Variants in SVEP1 observed in about 807,000 individuals in gnomAD.
SVEP1 encodes sushi, von Willebrand factor type A, EGF and pentraxin domain-containing protein 1.
Under a neutral mutation model 367.3 loss-of-function variants are expected in SVEP1, and 164 were observed. The ratio of observed to expected loss-of-function variants is 0.45; its 90% CI spans 0.39 to 0.51. The LOEUF is 0.51. Ranked by LOEUF, SVEP1 falls within the 20% of genes least tolerant of loss-of-function variation. SVEP1 has a pLI of 0.00. For missense variants in SVEP1, 4,117 were observed against 4,425.3 expected (o/e 0.93, Z 1.98); for synonymous variants, 1,666 against 1,611.6 (o/e 1.03, Z -0.81).
chr9:110,366,397 A>T lies in SVEP1; in HGVS notation c.*142T>A. The T allele has an allele frequency of 1.4e-6, 1 of 735,618 alleles. No homozygotes were observed. The highest frequency in any genetic ancestry group is 1.8e-5 in the African/African-American group (1 of 55,826). The allele number at this position is 735,618 out of a possible 1,614,324, so 45.6% of individuals were successfully genotyped here. ...GGAATAACAAAATATATCACAAAAT[A>T]AAAAAAGTAACCCCAAGTAACAAGT... On this transcript the variant is annotated 3_prime_UTR_variant, in exon 48 of 48. Coordinates refer to ENST00000374469, the MANE Select transcript of SVEP1 (RefSeq NM_153366.4).
chr9:110,563,936 TG>T (rs1830459688), intron 1 of SVEP1, among the ~76,000 whole-genome samples: 1 of 152,178 alleles, frequency 6.6e-6, no homozygotes, highest in African/African-American at 2.4e-5. Flanking sequence ...GGGTTCTTTG[TG>T]CCCTAATTCA....
At position 110,404,512 on chromosome 9, in the gene SVEP1, A is replaced by G; in HGVS notation, c.9481T>C (p.Phe3161Leu). The G allele has an allele frequency of 6.2e-7, 1 of 1,613,860 alleles. No individual in the cohort carries two copies. The highest frequency in any genetic ancestry group is 2.2e-5 in the East Asian group (1 of 44,874). The stretch of plus-strand genomic sequence containing the variant: ...CAGCGACCATCTTTCTGACAGGTGA[A>G]TGTATCTGTATCTGTATCCATCGTA... ...GYTMDTDTDT[F>L]TCQKDGRWFP... Residue 3161 changes from phenylalanine to leucine, a missense_variant, in exon 39 of 48, where the codon TTC becomes CTC. Coordinates refer to ENST00000374469, the MANE Select transcript of SVEP1 (RefSeq NM_153366.4).
Position 110,546,298 on chromosome 9 carries a change from A to G in SVEP1, c.788-7T>C. 1 of 1,579,150 alleles carries G rather than the reference A, an allele frequency of 6.3e-7. No individual in the cohort carries two copies. The highest frequency in any genetic ancestry group is 8.6e-7 in the Non-Finnish European group (1 of 1,161,524). On this transcript the variant is annotated splice_region_variant and splice_polypyrimidine_tract_variant and intron_variant, in intron 2 of 47. Transcript: ENST00000374469. ...AAACTCCCAGAAGGTAGATCTACAA[A>G]TAACATATGACAGAGGGCGATAAAA...
intron 26 of SVEP1, among the ~76,000 whole-genome samples, chr9:110,444,612 A>C (rs2118592629): frequency 6.6e-6 from 1 of 152,340 alleles, no homozygotes; most frequent in Non-Finnish European, 1.5e-5. Context: ...GAAATGACAA[A>C]GCTAATAAGC....
intron 22 of SVEP1, 83 bp downstream of exon 22, chr9:110,455,507 G>T: frequency 2.0e-6 from 2 of 982,908 alleles, no homozygotes; most frequent in South Asian, 1.8e-5. Flanking sequence ...ATGTATCTTT[G>T]ACACATTCCA....
intron 9 of SVEP1, among the ~76,000 whole-genome samples, chr9:110,487,581 T>C (rs949257711): frequency 1.3e-5 from 2 of 152,238 alleles, no homozygotes; most frequent in Non-Finnish European, 2.9e-5. Flanking sequence ...GTTTAATATA[T>C]GTTAGTTATT....
Position 110,408,241 on chromosome 9 carries a change from C to T in SVEP1, c.7359G>A (p.Val2453=), listed in dbSNP as rs766412372. The part of the protein sequence containing the change: ...PEEIPNGIID[V]QGLAYLSTAL... ...CTGTGCTGAGATAGGCAAGGCCTTG[C>T]ACATCAATGATTCCATTGGGGATTT... Residue 2453 remains valine (V), a synonymous_variant, in exon 38 of 48, where the codon GTG becomes GTA. Transcript: ENST00000374469. 7 of 1,613,874 alleles carry T rather than the reference C, an allele frequency of 4.3e-6. No homozygotes were observed. In the Admixed American group the frequency reaches 6.7e-5, roughly 15 times the overall value.
chr9:110,479,520 T>A (rs1229945608), intron 13 of SVEP1, 115 bp downstream of exon 13: 2 of 1,265,780 alleles, frequency 1.6e-6, no homozygotes, highest in Non-Finnish European at 2.1e-6. Flanking sequence ...ATTAGGTACA[T>A]GTCTGGATCA....
At chr9:110,521,330 G>A (rs1392007610) in intron 3 of SVEP1, among the ~76,000 whole-genome samples, 1 of 152,130 alleles carries the variant, frequency 6.6e-6, no homozygotes, top group Non-Finnish European at 1.5e-5. Flanking sequence ...AGCTCATTTG[G>A]CCAGAGTACA....
chr9:110,441,775 C>T (rs1828513019), intron 27 of SVEP1, among the ~76,000 whole-genome samples: 1 of 152,196 alleles, frequency 6.6e-6, no homozygotes, highest in Admixed American at 6.5e-5. Context: ...TGGTTGGAAA[C>T]CTCTTTGTTG....
rs71373993 is a variant in SVEP1 at position 110,375,465 on chromosome 9, TAAAAAAAAAAAA to T, written c.10505-14_10505-3del. 40 of 557,894 alleles carry T rather than the reference TAAAAAAAAAAAA, an allele frequency of 7.2e-5. No individual in the cohort carries two copies. The highest frequency in any genetic ancestry group is 5.1e-4 in the African/African-American group (19 of 37,120). The allele number at this position is 557,894 out of a possible 1,614,324, so 34.6% of individuals were successfully genotyped here. ...TCAGACAGGGAAGAATGCAGATTGC[TAAAAAAAAAAAA>T]AAAAAAAAAAAAAGGAGGCAGGGGG... On this transcript the variant is annotated splice_region_variant and splice_polypyrimidine_tract_variant and intron_variant, in intron 45 of 47. Transcript: ENST00000374469.
intron 40 of SVEP1, among the ~76,000 whole-genome samples, chr9:110,390,144 C>CTTATAT (rs1588027161): frequency 3.1e-5 from 3 of 97,474 alleles, no homozygotes; most frequent in Non-Finnish European, 4.2e-5. Context: ...AGTATATATA[C>CTTATAT]AAGTATATAC....
chr9:110,579,212 G>T lies in SVEP1; in HGVS notation c.332C>A (p.Ser111Tyr). Reference sequence around the variant, plus strand: ...GGCCGTGGGCACCACGGGGAAGTCGGACAGCAGCTTGCGGACGAACATGAG... The same window carrying T: ...GGCCGTGGGCACCACGGGGAAGTCGTACAGCAGCTTGCGGACGAACATGAG... ...SELMFVRKLL[S>Y]DFPVVPTATR... Residue 111 changes from serine (S) to tyrosine (Y), a missense_variant, in exon 1 of 48, where the codon TCC (serine) becomes TAC (tyrosine). Coordinates refer to ENST00000374469, the MANE Select transcript of SVEP1 (RefSeq NM_153366.4). This position sits in a 1 kb window ranked among gnomAD's most constrained non-coding sequence, Gnocchi z 5.3. 1.0e-5 allele frequency: 16 copies of T among 1,571,316 alleles called. No individual in the cohort carries two copies. The highest frequency in any genetic ancestry group is 1.4e-5 in the Non-Finnish European group (16 of 1,158,970).
intron 26 of SVEP1, among the ~76,000 whole-genome samples, chr9:110,444,312 G>A (rs1013871375): frequency 3.3e-5 from 5 of 152,238 alleles, no homozygotes; most frequent in South Asian, 2.1e-4. Flanking sequence ...TTGCACCTTC[G>A]CCATGTGAAG....
chr9:110,430,527 A>T lies in SVEP1; in HGVS notation c.5354-77T>A, dbSNP rs1828335373. 3 of 1,436,570 alleles carry T rather than the reference A, an allele frequency of 2.1e-6. No individual in the cohort carries two copies. The Admixed American group carries it at 7.5e-5, about 36-fold the overall frequency. The allele number at this position is 1,436,570 out of a possible 1,614,324, so 89.0% of individuals were successfully genotyped here. ...CAAAGTCTCACAGCAAAAGAATTCC[A>T]CTATAGTTAAGAAACCTGTTAAAAT... On this transcript the variant is annotated intron_variant, in intron 32 of 47. Coordinates refer to ENST00000374469, the MANE Select transcript of SVEP1 (RefSeq NM_153366.4).
intron 9 of SVEP1, 124 bp from the exon 10 acceptor site, chr9:110,483,817 C>G (rs1829236095): frequency 1.8e-6 from 1 of 551,768 alleles, no homozygotes; most frequent in Non-Finnish European, 3.0e-6. Flanking sequence ...AGAAACAAGG[C>G]TGACTCTGTG....
chr9:110,423,184 G>GAAAAAAAAAAAAAAAA (rs1404736217), intron 36 of SVEP1, among the ~76,000 whole-genome samples: 3 of 91,028 alleles, frequency 3.3e-5, no homozygotes, highest in Non-Finnish European at 4.5e-5. Context: ...AAAAAAAAAA[G>GAAAAAAAAAAAAAAAA]AAAAAAAAAA....
chr9:110,578,505 T>C (rs192931924), intron 1 of SVEP1, among the ~76,000 whole-genome samples: 2 of 152,172 alleles, frequency 1.3e-5, no homozygotes, highest in African/African-American at 4.8e-5. Flanking sequence ...CAGACACACT[T>C]TACAAAAGTC....
At chr9:110,527,120 T>C (rs560477722) in intron 3 of SVEP1, among the ~76,000 whole-genome samples, 1 of 152,198 alleles carries the variant, frequency 6.6e-6, no homozygotes, top group South Asian at 2.1e-4. Context: ...ATTGAAACCA[T>C]ATCGATGTCA....
Sources: allele counts gnomAD v4.1 joint callset (sites outside exome capture counted in the v4.1 genomes callset), GRCh38; gene constraint gnomAD v4.1.1; non-coding constraint Gnocchi (gnomAD v3.1); transcripts MANE v1.5; gene names NCBI Gene and HGNC (gene_info 2026-07-23, HGNC 2026-07-21).